The following ZDHHC13 variants were observed in gnomAD, a reference collection of about 807,000 sequenced individuals.
ZDHHC13 encodes the protein zDHHC palmitoyltransferase 13, also known as palmitoyltransferase ZDHHC13.
In ZDHHC13, 85 loss-of-function variants were observed where a neutral mutation model predicts 86.0. That is an observed-to-expected ratio of 0.99 (90% CI 0.83 to 1.18). The LOEUF (loss-of-function observed/expected upper bound fraction) is 1.18. Among genes scored for constraint, ZDHHC13 ranks in the 50% most tolerant of loss-of-function variants. ZDHHC13 has a pLI of 0.00. For synonymous variants in ZDHHC13, 263 were observed against 246.4 expected (o/e 1.07, Z -0.63); for missense variants, 711 against 730.2 (o/e 0.97, Z 0.30).
At position 19,172,708 on chromosome 11, in the gene ZDHHC13, A is replaced by G. The variant is rs1380394633; in HGVS notation, c.1633-15A>G. The G allele has an allele frequency of 1.3e-6, 2 of 1,577,060 alleles. No individual in the cohort carries two copies. Among genetic ancestry groups the G allele is most frequent in the Non-Finnish European group, 1.7e-6 (2 of 1,161,654 alleles). On this transcript the variant is annotated splice_polypyrimidine_tract_variant and intron_variant, in intron 15 of 16. Coordinates refer to ENST00000446113, the MANE Select transcript of ZDHHC13 (RefSeq NM_019028.3). ...GCACACTGAATGTGTGCAACCTTCC[A>G]CCCTTCTTTTTCAGATTGCCTTTCT...
intron 14 of ZDHHC13, chr11:19,169,219 T>C (rs1037979019): frequency 2.8e-5 from 28 of 985,340 alleles, no homozygotes; most frequent in Non-Finnish European, 3.1e-5. Flanking sequence ...AGCTGTTTTC[T>C]CCACCTACTG....
chr11:19,155,026 A>G (rs1849718103), intron 8 of ZDHHC13, among the ~76,000 whole-genome samples: 1 of 152,160 alleles, frequency 6.6e-6, no homozygotes, highest in Non-Finnish European at 1.5e-5. Context: ...CGTTCTCCAA[A>G]CATAGCTCAT....
intron 1 of ZDHHC13, among the ~76,000 whole-genome samples, chr11:19,140,218 A>C (rs1849273428): frequency 6.6e-6 from 1 of 151,764 alleles, no homozygotes; most frequent in South Asian, 2.1e-4. Context: ...CAAATTTACA[A>C]GAAAAAAACA....
chr11:19,169,539 A>T, intron 14 of ZDHHC13: 1 of 985,472 alleles, frequency 1.0e-6, no homozygotes, highest in East Asian at 1.1e-4. Flanking sequence ...AAAACTGTTT[A>T]TCAAATTGTC....
chr11:19,155,712 T>C (rs1849738268), intron 8 of ZDHHC13, 84 bp from the exon 9 acceptor site: 3 of 1,418,606 alleles, frequency 2.1e-6, no homozygotes, highest in Admixed American at 2.5e-5. Flanking sequence ...TTATATACTT[T>C]GGAAGTAGTT....
At chr11:19,131,477 G>A (rs972901279) in intron 1 of ZDHHC13, among the ~76,000 whole-genome samples, 1 of 151,804 alleles carries the variant, frequency 6.6e-6, no homozygotes, top group African/African-American at 2.4e-5. Context: ...TTTTTTCCTT[G>A]TCTTCTGGAA....
intron 2 of ZDHHC13, among the ~76,000 whole-genome samples, chr11:19,144,981 C>T (rs773958716): frequency 5.3e-5 from 8 of 152,010 alleles, no homozygotes; most frequent in South Asian, 2.1e-4. Flanking sequence ...TCGTGGCACA[C>T]GCCTGTAATC....
At chr11:19,156,066 G>A in intron 9 of ZDHHC13, 137 bp downstream of exon 9, 3 of 1,122,790 alleles carry the variant, frequency 2.7e-6, no homozygotes, top group Non-Finnish European at 1.2e-6. Flanking sequence ...CCTGCGGGTG[G>A]ATGGGAGGAA....
chr11:19,169,161 G>A lies in ZDHHC13; in HGVS notation c.1475-1250G>A, dbSNP rs1013983401. 1.9e-5 allele frequency: 19 copies of A among 985,368 alleles called. No homozygotes were observed. In the African/African-American group the frequency reaches 3.3e-4, roughly 17 times the overall value. 61.0% of individuals were successfully genotyped at this position (985,368 alleles called of 1,614,324 possible). ...TCAAAAGAATTCCCAGAAGGGAGCA[G>A]TAGAAATCCATAAACTGAAAGAAAA... On this transcript the variant is annotated intron_variant, in intron 14 of 16. Transcript: ENST00000446113.
intron 2 of ZDHHC13, among the ~76,000 whole-genome samples, chr11:19,144,387 G>A (rs935876240): frequency 1.3e-5 from 2 of 151,780 alleles, no homozygotes; most frequent in Non-Finnish European, 2.9e-5. Context: ...AGTGGTTGTC[G>A]GGGGACCTGT....
chr11:19,169,265 A>T (rs1326209203), intron 14 of ZDHHC13: 1 of 985,296 alleles, frequency 1.0e-6, no homozygotes, highest in African/African-American at 1.7e-5. Flanking sequence ...TATCAGGTGC[A>T]TGGGATGCAT....
Position 19,124,336 on chromosome 11 carries a change from T to C in ZDHHC13, c.27+7060T>C, listed in dbSNP as rs574743972. 3.5e-3 allele frequency among the ~76,000 whole-genome samples: 529 copies of C among 152,246 alleles called. 3 individuals are homozygous for C. Among genetic ancestry groups the C allele is most frequent in the South Asian group, 7.0e-3 (34 of 4,832 alleles). ...TATGTATATAGCACAATATTATATA[T>C]GTTAAAATATATATACATAATGAGG... is the stretch of plus-strand genomic sequence containing the variant. On this transcript the variant is annotated intron_variant, in intron 1 of 16. Transcript: ENST00000446113.
chr11:19,128,433 C>G (rs757124104), intron 1 of ZDHHC13, among the ~76,000 whole-genome samples: 8 of 152,108 alleles, frequency 5.3e-5, no homozygotes, highest in Non-Finnish European at 1.2e-4. Flanking sequence ...ATTTGGATGC[C>G]CTTTATTTCT....
rs751424613 is a variant in ZDHHC13, at chr11:19,152,206, G to A, written c.633G>A (p.Val211=). 10 of 1,613,120 alleles carry A rather than the reference G, an allele frequency of 6.2e-6. No individual in the cohort carries two copies. The highest frequency in any genetic ancestry group is 8.5e-6 in the Non-Finnish European group (10 of 1,179,396). ...TAAAGTTTAATCCTTCTCTCAATGT[G>A]GTTGATAAAATACACCAAAACACTC... ...FLLKFNPSLN[V]VDKIHQNTPL... The change falls in exon 7 of 17, where the codon GTG becomes GTA. Residue 211 remains valine (V), a synonymous_variant. Transcript: ENST00000446113.
chr11:19,123,700 T>A lies in ZDHHC13; in HGVS notation c.27+6424T>A, dbSNP rs576467676. On this transcript the variant is annotated intron_variant, in intron 1 of 16. Coordinates refer to ENST00000446113, the MANE Select transcript of ZDHHC13 (RefSeq NM_019028.3). ...TCTAACCTACAAAGAGAAACAGATA[T>A]GTGCAATTCATTAGAAAAACAAGTA... Among the ~76,000 whole-genome samples, 5 of 152,064 alleles carry A rather than the reference T, an allele frequency of 3.3e-5. No homozygotes were observed. In the South Asian group the frequency reaches 1.0e-3, roughly 31 times the overall value.
In ZDHHC13 at chr11:19,117,640, C is replaced by A. The variant is rs889062086; in HGVS notation, c.27+364C>A. 1.7e-5 allele frequency: 5 copies of A among 286,278 alleles called. No homozygotes were observed. Among genetic ancestry groups the A allele is most frequent in the Non-Finnish European group, 2.6e-5 (4 of 154,684 alleles). The allele number at this position is 286,278 out of a possible 1,614,324, so 17.7% of individuals were successfully genotyped here. Reference sequence around the variant, plus strand: ...GGTGACACACCTGATTCGGACCCGCCCGTCTTGACGTTGGCCCGGAGTCGG... The same window carrying A: ...GGTGACACACCTGATTCGGACCCGCACGTCTTGACGTTGGCCCGGAGTCGG... On this transcript the variant is annotated intron_variant, in intron 1 of 16. Coordinates refer to ENST00000446113, the MANE Select transcript of ZDHHC13 (RefSeq NM_019028.3). This position sits in a 1 kb window ranked among gnomAD's most constrained non-coding sequence, Gnocchi z 4.2.
Position 19,149,318 on chromosome 11 carries a change from T to A in ZDHHC13, c.506T>A (p.Ile169Asn). 6.3e-7 allele frequency: 1 copy of A among 1,598,576 alleles called. No homozygotes were observed. Among genetic ancestry groups the A allele is most frequent in the Non-Finnish European group, 8.5e-7 (1 of 1,171,126 alleles). ...CACATGCCTATTATAGCATATCTCATCTCAAAGGGACAGGTATGTTCTGAA... is the reference window on the plus strand; with the variant it reads ...CACATGCCTATTATAGCATATCTCAACTCAAAGGGACAGGTATGTTCTGAA... ...FQHMPIIAYL[I>N]SKGQSVNMTD... Residue 169 changes from isoleucine (I) to asparagine (N), a missense_variant, in exon 5 of 17, where the codon ATC becomes AAC. Coordinates refer to ENST00000446113, the MANE Select transcript of ZDHHC13 (RefSeq NM_019028.3).
At chr11:19,141,700 G>A (rs570872958) in intron 1 of ZDHHC13, among the ~76,000 whole-genome samples, 4 of 144,320 alleles carry the variant, frequency 2.8e-5, no homozygotes, top group East Asian at 2.0e-4. Flanking sequence ...TAACATTAGC[G>A]AACCCCGTAT....
At chr11:19,166,719 GA>G (rs11341471) in intron 14 of ZDHHC13, 68,323 of 144,694 alleles carry the variant, frequency 0.47, 19,464 homozygotes, top group African/African-American at 0.83. Flanking sequence ...AATAAAACAG[GA>G]AAAAAAAAAA....
Sources: allele counts gnomAD v4.1 joint callset (sites outside exome capture counted in the v4.1 genomes callset), GRCh38; gene constraint gnomAD v4.1.1; non-coding constraint Gnocchi (gnomAD v3.1); transcripts MANE v1.5; gene names NCBI Gene and HGNC (gene_info 2026-07-23, HGNC 2026-07-21).